The following LYST variants were observed in gnomAD, a reference collection of about 807,000 sequenced individuals.
LYST encodes lysosomal-trafficking regulator.
Under a neutral mutation model 413.6 loss-of-function variants are expected in LYST, and 192 were observed. The ratio of observed to expected loss-of-function variants is 0.46; its 90% CI spans 0.41 to 0.52. The LOEUF (loss-of-function observed/expected upper bound fraction) is 0.52, where lower values mean the gene tolerates loss of function less well. LYST is among the 20% of genes least tolerant of loss of function. LYST has a pLI of 0.00. For missense variants in LYST, 3,815 were observed against 4,499.9 expected (o/e 0.85, Z 4.35); for synonymous variants, 1,525 against 1,567.3 (o/e 0.97, Z 0.64).
At chr1:235,777,005 T>G in intron 17 of LYST, 58 bp downstream of exon 17, 1 of 1,497,842 alleles carries the variant, frequency 6.7e-7, no homozygotes, top group East Asian at 2.3e-5. Context: ...ATCCTTTAAT[T>G]TATCAATAAT....
intron 1 of LYST, chr1:235,839,733 G>A (rs965826549): frequency 1.3e-5 from 2 of 151,750 alleles, no homozygotes; most frequent in Middle Eastern, 3.4e-3. Flanking sequence ...TTGAACCTGG[G>A]AGAGAAGGTT....
intron 46 of LYST, among the ~76,000 whole-genome samples, chr1:235,694,465 T>C (rs571895534): frequency 2.6e-4 from 39 of 152,320 alleles, no homozygotes; most frequent in African/African-American, 8.4e-4. Flanking sequence ...GGTACTGCCC[T>C]TGAAACTTGC....
Position 235,791,696 on chromosome 1 carries a change from T to C in LYST, c.4543+3A>G, listed in dbSNP as rs761332513. On this transcript the variant is annotated splice_donor_region_variant and intron_variant, in intron 12 of 52. Transcript: ENST00000389793. ...TACAAATCAGATAATCCTGTCATCA[T>C]ACCTGTACCATCAAAACTGCTATCT... 11 of 1,604,644 alleles carry C rather than the reference T, an allele frequency of 6.9e-6. No homozygotes were observed. Among genetic ancestry groups the C allele is most frequent in the Admixed American group, 3.3e-5 (2 of 60,020 alleles).
rs59484092 is a variant in LYST at position 235,856,940 on chromosome 1, ATT to A, written c.-98+9901_-98+9902del. Reference sequence around the variant, plus strand: ...CTTACAAGTTACACAGGATATACTGATTTTTTTTTTTTTTTTTTTTTTGAGAT... The same window carrying A: ...CTTACAAGTTACACAGGATATACTGATTTTTTTTTTTTTTTTTTTTGAGAT... On this transcript the variant is annotated intron_variant, in intron 1 of 52. Transcript: ENST00000389793. 2.1e-3 allele frequency among the ~76,000 whole-genome samples: 259 copies of A among 121,752 alleles called. 1 individual carries two copies. Among genetic ancestry groups the A allele is most frequent in the South Asian group, 7.3e-3 (28 of 3,832 alleles). 79.9% of individuals were successfully genotyped at this position (121,752 alleles called of 152,430 possible).
At chr1:235,798,550 C>G (rs1671813448) in intron 10 of LYST, among the ~76,000 whole-genome samples, 1 of 125,494 alleles carries the variant, frequency 8.0e-6, no homozygotes, top group African/African-American at 3.0e-5. Flanking sequence ...TGCACTCCAG[C>G]CTTGGCGACA....
intron 48 of LYST, among the ~76,000 whole-genome samples, chr1:235,683,865 C>T (rs1660017045): frequency 6.6e-6 from 1 of 152,182 alleles, no homozygotes; most frequent in Admixed American, 6.5e-5. Context: ...AATAGCAACA[C>T]GATCCCTGGG....
At chr1:235,685,189 C>G (rs531945274) in intron 48 of LYST, among the ~76,000 whole-genome samples, 1 of 152,156 alleles carries the variant, frequency 6.6e-6, no homozygotes, top group African/African-American at 2.4e-5. Context: ...TGTAACTTAA[C>G]AGGCTCCCTG....
intron 8 of LYST, among the ~76,000 whole-genome samples, chr1:235,802,410 C>T (rs1672345609): frequency 6.6e-6 from 1 of 152,086 alleles, no homozygotes; most frequent in African/African-American, 2.4e-5. Flanking sequence ...AAGAAGAAAT[C>T]TATGCTTGGC....
intron 14 of LYST, among the ~76,000 whole-genome samples, chr1:235,782,436 G>A (rs1420086460): frequency 6.6e-6 from 1 of 151,954 alleles, no homozygotes; most frequent in Non-Finnish European, 1.5e-5. Flanking sequence ...GCCTCCCAAA[G>A]TGCTGGGATT....
chr1:235,804,519 A>G lies in LYST; in HGVS notation c.3540T>C (p.Asp1180=). Reference sequence around the variant, plus strand: ...TTATTCATACCTTCTCAGTCATAGCATCATTATGTTCAAAATCTGCTGAAT... The same window carrying G: ...TTATTCATACCTTCTCAGTCATAGCGTCATTATGTTCAAAATCTGCTGAAT... The part of the protein sequence containing the change: ...GNYSADFEHN[D]AMTEKSHQSA... The change falls in exon 7 of 53, where the codon GAT becomes GAC. Residue 1180 remains aspartate (D), a synonymous_variant. Coordinates refer to ENST00000389793, the MANE Select transcript of LYST (RefSeq NM_000081.4). The G allele has an allele frequency of 6.2e-7, 1 of 1,613,702 alleles. No homozygotes were observed. The highest frequency in any genetic ancestry group is 8.5e-7 in the Non-Finnish European group (1 of 1,179,612).
chr1:235,807,407 G>A (rs993845663), intron 5 of LYST, among the ~76,000 whole-genome samples: 1 of 152,150 alleles, frequency 6.6e-6, no homozygotes, highest in Admixed American at 6.5e-5. Context: ...ATATAAGCCA[G>A]CTAGGTGATT....
intron 1 of LYST, among the ~76,000 whole-genome samples, chr1:235,861,951 T>C (rs1679932956): frequency 6.6e-6 from 1 of 152,236 alleles, no homozygotes; most frequent in Non-Finnish European, 1.5e-5. Context: ...TCCCTGCATA[T>C]TACTAACTTA....
chr1:235,761,897 A>T (rs1667623222), intron 22 of LYST, among the ~76,000 whole-genome samples: 2 of 149,330 alleles, frequency 1.3e-5, no homozygotes, highest in South Asian at 4.3e-4. Flanking sequence ...CTGGAGGGCT[A>T]ATGATACAGA....
At chr1:235,685,078 C>A (rs1185396286) in intron 48 of LYST, among the ~76,000 whole-genome samples, 1 of 152,204 alleles carries the variant, frequency 6.6e-6, no homozygotes, top group African/African-American at 2.4e-5. Flanking sequence ...ATCCCCATGC[C>A]TTTGATTCCA....
intron 24 of LYST, 96 bp downstream of exon 24, chr1:235,757,185 G>A: frequency 1.4e-6 from 1 of 738,018 alleles, no homozygotes; most frequent in Non-Finnish European, 2.2e-6. Flanking sequence ...ATAAAAGAGA[G>A]ATTTAGGTCT....
intron 31 of LYST, chr1:235,736,631 A>G (rs1312495464): frequency 1.3e-5 from 2 of 152,148 alleles, no homozygotes; most frequent in African/African-American, 4.8e-5. Flanking sequence ...CACATTCCAA[A>G]TGAAATACAA....
intron 2 of LYST, among the ~76,000 whole-genome samples, chr1:235,831,354 T>A (rs909903152): frequency 6.6e-6 from 1 of 152,134 alleles, no homozygotes; most frequent in African/African-American, 2.4e-5. Flanking sequence ...AAGATGTGAC[T>A]CGTATAGTGT....
At chr1:235,791,660 C>T (rs746343361) in intron 12 of LYST, 39 bp downstream of exon 12, 17 of 1,538,904 alleles carry the variant, frequency 1.1e-5, no homozygotes, top group Non-Finnish European at 1.4e-5. Context: ...AGTCTGAAAA[C>T]AATCTTTGTG....
At chr1:235,783,658 CAATG>C (rs1156384575) in intron 14 of LYST, among the ~76,000 whole-genome samples, 1 of 151,888 alleles carries the variant, frequency 6.6e-6, no homozygotes, top group African/African-American at 2.4e-5. Flanking sequence ...AAAAATATAA[CAATG>C]AAATAAAAAT....
Sources: allele counts gnomAD v4.1 joint callset (sites outside exome capture counted in the v4.1 genomes callset), GRCh38; gene constraint gnomAD v4.1.1; transcripts MANE v1.5; gene names NCBI Gene and HGNC (gene_info 2026-07-23, HGNC 2026-07-21).